Variants in CLIC6 observed in about 807,000 individuals in gnomAD.
The protein encoded by CLIC6 is chloride intracellular channel protein 6.
In CLIC6, 39 loss-of-function variants were observed where a neutral mutation model predicts 49.2. The observed-to-expected ratio is 0.79, with a 90% CI of 0.61 to 1.04. The LOEUF (loss-of-function observed/expected upper bound fraction) is 1.04. Among genes scored for constraint, CLIC6 ranks in the 50% least tolerant of loss-of-function variants. The pLI, the probability that CLIC6 is intolerant of heterozygous loss-of-function variation, is 0.00. For missense variants in CLIC6, 988 were observed against 993.1 expected (o/e 0.99, Z 0.07); for synonymous variants, 446 against 433.4 (o/e 1.03, Z -0.36).
chr21:34,711,212 T>C (rs2056054172), intron 5 of CLIC6, among the ~76,000 whole-genome samples: 1 of 152,166 alleles, frequency 6.6e-6, no homozygotes, highest in African/African-American at 2.4e-5. Context: ...TTTGTTCTAA[T>C]AACACATTTA....
chr21:34,672,785 C>G (rs1003444854), intron 1 of CLIC6, among the ~76,000 whole-genome samples: 1 of 152,306 alleles, frequency 6.6e-6, no homozygotes, highest in South Asian at 2.1e-4. Flanking sequence ...GGGCAAGTTA[C>G]TTAATCTTTT....
Position 34,669,618 on chromosome 21 carries a change from G to A in CLIC6, c.230G>A (p.Arg77Lys), listed in dbSNP as rs1475952106. The A allele has an allele frequency of 7.8e-7, 1 of 1,279,210 alleles. No individual in the cohort carries two copies. The highest frequency in any genetic ancestry group is 2.7e-5 in the South Asian group (1 of 36,814). The allele number at this position is 1,279,210 out of a possible 1,614,324, so 79.2% of individuals were successfully genotyped here. A position where few individuals can be genotyped will look rare whatever the true frequency, so the allele number is the denominator to read the frequency against. ...RGPEAEARGT[R>K]GAHGETEAEE... ...CCGGAGGCCGAGGCGCGGGGCACGA[G>A]GGGGGCGCACGGCGAGACTGAGGCC... Residue 77 changes from arginine to lysine, a missense_variant, in exon 1 of 6, where the codon AGG becomes AAG. Arg to Lys is a conservative substitution (Grantham distance 26). This residue lies in a region of CLIC6 where 284 missense variants were observed against 278.6 expected (regional missense o/e 1.02). Coordinates refer to ENST00000349499, the MANE Select transcript of CLIC6 (RefSeq NM_053277.3).
Position 34,670,335 on chromosome 21 carries a change from G to A in CLIC6, c.947G>A (p.Gly316Glu), listed in dbSNP as rs1989528974. 1.4e-6 allele frequency: 2 copies of A among 1,451,248 alleles called. No individual in the cohort carries two copies. The highest frequency in any genetic ancestry group is 3.0e-5 in the African/African-American group (2 of 67,530). The allele number at this position is 1,451,248 out of a possible 1,614,324, so 89.9% of individuals were successfully genotyped here. A position where few individuals can be genotyped will look rare whatever the true frequency, so the allele number is the denominator to read the frequency against. Residue 316 changes from glycine to glutamate, a missense_variant, in exon 1 of 6, where the codon GGG becomes GAG. Coordinates refer to ENST00000349499, the MANE Select transcript of CLIC6 (RefSeq NM_053277.3). The stretch of plus-strand genomic sequence containing the variant: ...GCCGAGGCAATTGAGGTCGCAGCCG[G>A]GGAGAGTGCGGGGCGCAGCCCCGGT... ...PQAEAIEVAA[G>E]ESAGRSPGEL...
chr21:34,713,852 G>T (rs1437189604), intron 5 of CLIC6, among the ~76,000 whole-genome samples: 1 of 151,740 alleles, frequency 6.6e-6, no homozygotes, highest in Non-Finnish European at 1.5e-5. Context: ...AACCCTTTTT[G>T]GCACCTAGAC....
intron 1 of CLIC6, among the ~76,000 whole-genome samples, chr21:34,678,292 G>A (rs8129299): frequency 1.1e-4 from 16 of 140,738 alleles, no homozygotes; most frequent in African/African-American, 4.1e-4. Flanking sequence ...AAAAAAAAAA[G>A]TCACCCGGGC....
intron 1 of CLIC6, among the ~76,000 whole-genome samples, chr21:34,698,734 G>A (rs1990134717): frequency 6.6e-6 from 1 of 152,156 alleles, no homozygotes; most frequent in Non-Finnish European, 1.5e-5. Flanking sequence ...ACTTGCCAGT[G>A]GTCACACTGC....
At chr21:34,675,960 C>T (rs1885926044) in intron 1 of CLIC6, among the ~76,000 whole-genome samples, 1 of 152,218 alleles carries the variant, frequency 6.6e-6, no homozygotes, top group African/African-American at 2.4e-5. Context: ...ATTTGAAGCT[C>T]TTTCCTGCCA....
chr21:34,706,648 T>C (rs61632401), intron 1 of CLIC6, among the ~76,000 whole-genome samples: 4,921 of 152,212 alleles, frequency 0.032, 271 homozygotes, highest in African/African-American at 0.11. Context: ...ATAGACAAGT[T>C]TGCCCTCTAC....
chr21:34,696,383 ACAGAG>A (rs939822595), intron 1 of CLIC6, among the ~76,000 whole-genome samples: 1 of 152,212 alleles, frequency 6.6e-6, no homozygotes, highest in African/African-American at 2.4e-5. Flanking sequence ...TCCAAACCTT[ACAGAG>A]CAGAGCTGGG....
chr21:34,671,389 C>T (rs1989565457), intron 1 of CLIC6, among the ~76,000 whole-genome samples: 2 of 152,068 alleles, frequency 1.3e-5, no homozygotes, highest in Admixed American at 6.5e-5. Context: ...GTTTTTTGAA[C>T]GTTTTAACAT....
intron 5 of CLIC6, 40 bp downstream of exon 5, chr21:34,709,578 C>T (rs201204252): frequency 8.5e-5 from 133 of 1,561,742 alleles, no homozygotes; most frequent in South Asian, 3.5e-4. Flanking sequence ...AGTACACGAA[C>T]GGGGCTTTGT....
chr21:34,715,329 G>A (rs2056079998), intron 5 of CLIC6, among the ~76,000 whole-genome samples: 1 of 152,184 alleles, frequency 6.6e-6, no homozygotes. Context: ...TAAAGTCATC[G>A]TGGAGTGAGA....
At position 34,709,502 on chromosome 21, in the gene CLIC6, T is replaced by G; in HGVS notation, c.1863T>G (p.Ala621=). 6.2e-7 allele frequency: 1 copy of G among 1,614,046 alleles called. No individual in the cohort carries two copies. Among genetic ancestry groups the G allele is most frequent in the Non-Finnish European group, 8.5e-7 (1 of 1,179,870 alleles). Residue 621 remains alanine, a synonymous_variant, in exon 5 of 6, where the codon GCT becomes GCG. Transcript: ENST00000349499. The part of the protein sequence containing the change: ...KFLDGDELTL[A]DCNLLPKLHI... ...TGGATGGGGACGAGCTGACGCTGGC[T>G]GACTGCAACCTCTTACCCAAGCTCC...
rs1280815821 is a variant in CLIC6, at chr21:34,717,305, C to T, written c.*823C>T. On this transcript the variant is annotated 3_prime_UTR_variant, in exon 6 of 6. Coordinates refer to ENST00000349499, the MANE Select transcript of CLIC6 (RefSeq NM_053277.3). ...TGCTGCAACTTGGAGAACCTCCCTGCCCTGAAATGTGAACCAAGCACACTT... is the reference window on the plus strand; with the variant it reads ...TGCTGCAACTTGGAGAACCTCCCTGTCCTGAAATGTGAACCAAGCACACTT... The T allele has an allele frequency of 6.6e-6, 1 of 152,258 alleles. No individual in the cohort carries two copies. The highest frequency in any genetic ancestry group is 1.5e-5 in the Non-Finnish European group (1 of 68,082). The allele number at this position is 152,258 out of a possible 1,614,324, so 9.4% of individuals were successfully genotyped here. A position where few individuals can be genotyped will look rare whatever the true frequency, so the allele number is the denominator to read the frequency against.
At chr21:34,685,655 C>G (rs1989862983) in intron 1 of CLIC6, among the ~76,000 whole-genome samples, 1 of 152,190 alleles carries the variant, frequency 6.6e-6, no homozygotes, top group Non-Finnish European at 1.5e-5. Flanking sequence ...ATGTAACTCT[C>G]CAAACAGAGA....
intron 1 of CLIC6, 52 bp from the exon 2 acceptor site, chr21:34,707,228 C>A: frequency 1.5e-6 from 2 of 1,317,026 alleles, no homozygotes; most frequent in Non-Finnish European, 1.1e-6. Context: ...GTGGTGTTGG[C>A]ACTTATAATT....
Position 34,709,360 on chromosome 21 carries a change from A to G in CLIC6, c.1721A>G (p.His574Arg). ...KNTKKDANEIHEKNLLKALRK... is the reference protein window; with the variant it reads ...KNTKKDANEIREKNLLKALRK... ...ATTTCTTGCCCTTCTGTTTTAGTTC[A>G]TGAAAAGAACCTGCTGAAGGCCCTG... Residue 574 changes from histidine to arginine, a missense_variant, in exon 5 of 6, where the codon CAT (histidine) becomes CGT (arginine). His to Arg is a conservative substitution (Grantham distance 29, BLOSUM62 0). This residue lies in a region of CLIC6 where 647 missense variants were observed against 596.9 expected (regional missense o/e 1.08). Transcript: ENST00000349499. 6.2e-7 allele frequency: 1 copy of G among 1,612,270 alleles called. No individual in the cohort carries two copies. Among genetic ancestry groups the G allele is most frequent in the Non-Finnish European group, 8.5e-7 (1 of 1,179,296 alleles).
intron 1 of CLIC6, among the ~76,000 whole-genome samples, chr21:34,692,764 A>G (rs1990019464): frequency 6.6e-6 from 1 of 152,210 alleles, no homozygotes; most frequent in South Asian, 2.1e-4. Flanking sequence ...TAAAAACATT[A>G]TAAGGAAAGA....
At chr21:34,675,791 G>T (rs1311851502) in intron 1 of CLIC6, among the ~76,000 whole-genome samples, 1 of 152,158 alleles carries the variant, frequency 6.6e-6, no homozygotes, top group African/African-American at 2.4e-5. Flanking sequence ...TGTGCTTTTT[G>T]GTGCAGATAA....
Sources: allele counts gnomAD v4.1 joint callset (sites outside exome capture counted in the v4.1 genomes callset), GRCh38; gene constraint gnomAD v4.1.1; regional missense constraint gnomAD v4.1.1; transcripts MANE v1.5; gene names NCBI Gene and HGNC (gene_info 2026-07-23, HGNC 2026-07-21).